MAD1L1: variants seen among roughly 807,000 people sequenced by gnomAD.
MAD1L1 encodes mitotic spindle assembly checkpoint protein MAD1.
In MAD1L1, 95 loss-of-function variants were observed where a neutral mutation model predicts 96.9. That is an observed-to-expected ratio of 0.98 (90% CI 0.83 to 1.16). The LOEUF is 1.16. Ranked by LOEUF, MAD1L1 falls within the 50% of genes most tolerant of loss-of-function variation. The pLI is 0.00. For synonymous variants in MAD1L1, 473 were observed against 396.6 expected (o/e 1.19, Z -2.29); for missense variants, 1,007 against 954.4 (o/e 1.06, Z -0.73).
At chr7:1,983,874 A>G (rs902365030) in intron 14 of MAD1L1, among the ~76,000 whole-genome samples, 1 of 152,244 alleles carries the variant, frequency 6.6e-6, no homozygotes, top group Admixed American at 6.5e-5. Flanking sequence ...TTTATTTCAA[A>G]TAACAGGTAT....
chr7:1,853,482 T>C (rs562994258), intron 18 of MAD1L1, among the ~76,000 whole-genome samples: 1 of 152,176 alleles, frequency 6.6e-6, no homozygotes, highest in Non-Finnish European at 1.5e-5. Flanking sequence ...CAGAAGCAGG[T>C]GACAGCAGAC....
At position 2,143,297 on chromosome 7, in the gene MAD1L1, G is replaced by A. The variant is rs890003501; in HGVS notation, c.1073+5855C>T. Reference sequence around the variant, plus strand: ...TTCTCCAGCGGGAGGCCCCTCAAGTGCAAGAGGGGAACAGCCCAGCCACCA... The same window carrying A: ...TTCTCCAGCGGGAGGCCCCTCAAGTACAAGAGGGGAACAGCCCAGCCACCA... On this transcript the variant is annotated intron_variant, in intron 11 of 18. Coordinates refer to ENST00000265854, the MANE Select transcript of MAD1L1 (RefSeq NM_001013836.2). Among the ~76,000 whole-genome samples, 5 of 150,930 alleles carry A rather than the reference G, an allele frequency of 3.3e-5. No individual in the cohort carries two copies. In the East Asian group the frequency reaches 9.9e-4, roughly 30 times the overall value.
chr7:1,900,610 C>T (rs1471837163), intron 17 of MAD1L1, among the ~76,000 whole-genome samples: 1 of 152,166 alleles, frequency 6.6e-6, no homozygotes, highest in African/African-American at 2.4e-5. Context: ...GCTGATCCTC[C>T]CGAAGATGGG....
At chr7:2,128,322 C>T (rs1252391145) in intron 11 of MAD1L1, among the ~76,000 whole-genome samples, 1 of 152,204 alleles carries the variant, frequency 6.6e-6, no homozygotes, top group East Asian at 1.9e-4. Flanking sequence ...GCAGGGCCAT[C>T]CATGCCTAGA....
At chr7:2,091,913 G>A (rs1355768023) in intron 11 of MAD1L1, among the ~76,000 whole-genome samples, 1 of 152,294 alleles carries the variant, frequency 6.6e-6, no homozygotes, top group East Asian at 1.9e-4. Context: ...TGGTGCTTCT[G>A]GTTTTTAGTT....
chr7:1,974,970 G>A (rs892897133), intron 15 of MAD1L1, among the ~76,000 whole-genome samples: 1 of 152,222 alleles, frequency 6.6e-6, no homozygotes, highest in Admixed American at 6.5e-5. Flanking sequence ...CCTGGGGAGC[G>A]CACCTGCCTT....
At chr7:1,958,646 T>C (rs934217167) in intron 15 of MAD1L1, among the ~76,000 whole-genome samples, 2 of 152,176 alleles carry the variant, frequency 1.3e-5, no homozygotes, top group Admixed American at 6.5e-5. Flanking sequence ...AAATTCACAA[T>C]GCCTGCCATC....
chr7:2,232,131 G>A (rs188601064), intron 1 of MAD1L1, among the ~76,000 whole-genome samples: 2,085 of 152,334 alleles, frequency 0.014, 50 homozygotes, highest in African/African-American at 0.048. Context: ...CTTACTATGG[G>A]CTCATGGCAG....
intron 12 of MAD1L1, among the ~76,000 whole-genome samples, chr7:2,031,122 C>T (rs752584947): frequency 4.6e-5 from 7 of 152,210 alleles, no homozygotes; most frequent in Non-Finnish European, 1.0e-4. Flanking sequence ...TGCACCTACG[C>T]GAGCTCTCCT....
At chr7:2,023,774 C>T (rs1427233807) in intron 12 of MAD1L1, among the ~76,000 whole-genome samples, 8 of 152,068 alleles carry the variant, frequency 5.3e-5, no homozygotes, top group Non-Finnish European at 7.4e-5. Flanking sequence ...CATGGTGAAA[C>T]CCCATCTCTA....
At position 2,122,419 on chromosome 7, in the gene MAD1L1, G is replaced by C. The variant is rs905058847; in HGVS notation, c.1073+26733C>G. On this transcript the variant is annotated intron_variant, in intron 11 of 18. Transcript: ENST00000265854. ...GAGGCAGGCAGATCACCTGAGGTTG[G>C]GAGTTCGAGACCAGCCTAACACGGA... Among the ~76,000 whole-genome samples, 9 of 152,186 alleles carry C rather than the reference G, an allele frequency of 5.9e-5. No individual in the cohort carries two copies. In the East Asian group the frequency reaches 1.5e-3, roughly 26 times the overall value.
chr7:2,105,834 C>G (rs735932), intron 11 of MAD1L1, among the ~76,000 whole-genome samples: 4,128 of 152,208 alleles, frequency 0.027, 97 homozygotes, highest in South Asian at 0.089. Context: ...CTCACCCACC[C>G]CGCTCCCCAG....
chr7:1,953,438 T>TG (rs1034280440), intron 16 of MAD1L1, among the ~76,000 whole-genome samples: 8 of 152,244 alleles, frequency 5.3e-5, no homozygotes, highest in African/African-American at 1.9e-4. Flanking sequence ...GGAGCCGCAC[T>TG]GGGGGGCTCC....
chr7:2,186,491 G>C (rs1046255294), intron 10 of MAD1L1, among the ~76,000 whole-genome samples: 2 of 152,224 alleles, frequency 1.3e-5, no homozygotes, highest in African/African-American at 4.8e-5. Context: ...ATTATGTAAG[G>C]ACTTATAGCA....
chr7:2,033,088 G>C (rs1274317730), intron 12 of MAD1L1, among the ~76,000 whole-genome samples: 3 of 152,246 alleles, frequency 2.0e-5, no homozygotes, highest in African/African-American at 7.2e-5. Flanking sequence ...AACAGACGCA[G>C]AACTCCGAGA....
At chr7:1,938,755 C>CGG in intron 16 of MAD1L1, among the ~76,000 whole-genome samples, 1 of 145,974 alleles carries the variant, frequency 6.9e-6, no homozygotes, top group African/African-American at 2.6e-5. Context: ...CGCACACACA[C>CGG]ACACACACAC....
chr7:1,922,895 A>T (rs55877249), intron 17 of MAD1L1, among the ~76,000 whole-genome samples: 7,563 of 152,208 alleles, frequency 0.05, 273 homozygotes, highest in Admixed American at 0.1. Context: ...CCTTTTGGCG[A>T]GCTGACGCGA....
At chr7:2,113,070 C>T (rs1394514180) in intron 11 of MAD1L1, among the ~76,000 whole-genome samples, 1 of 144,798 alleles carries the variant, frequency 6.9e-6, no homozygotes, top group African/African-American at 2.5e-5. Context: ...CTCAGCAAAG[C>T]GTCCCACTCA....
chr7:2,113,956 GC>G (rs2128557296), intron 11 of MAD1L1, among the ~76,000 whole-genome samples: 1 of 152,304 alleles, frequency 6.6e-6, no homozygotes, highest in East Asian at 1.9e-4. Context: ...GCAGGACAGG[GC>G]CACCAAACGC....
Sources: gnomAD v4.1 joint callset for allele counts (sites outside exome capture counted in the v4.1 genomes callset) on GRCh38, gnomAD v4.1.1 for gene constraint, MANE v1.5 for transcripts, NCBI Gene and HGNC (gene_info 2026-07-23, HGNC 2026-07-21) for gene names.